Variants in ITGAM observed in about 807,000 individuals in gnomAD.
ITGAM encodes the protein integrin alpha-M.
In ITGAM, 79 loss-of-function variants were observed where a neutral mutation model predicts 137.5. That is an observed-to-expected ratio of 0.57 (90% confidence interval 0.48 to 0.69). The LOEUF is 0.69. Ranked by LOEUF, ITGAM falls within the 30% of genes least tolerant of loss-of-function variation. The pLI is 0.00. For synonymous variants in ITGAM, 583 were observed against 592.3 expected (o/e 0.98, Z 0.23); for missense variants, 1,343 against 1,483.5 (o/e 0.91, Z 1.56).
At chr16:31,322,493 C>T (rs143553948) in intron 16 of ITGAM, among the ~76,000 whole-genome samples, 1 of 152,236 alleles carries the variant, frequency 6.6e-6, no homozygotes, top group Non-Finnish European at 1.5e-5. Context: ...GTCAGTACTC[C>T]AAGACACCCA....
At chr16:31,275,835 CA>C (rs1356630325) in intron 9 of ITGAM, 136 bp downstream of exon 9, 1 of 755,822 alleles carries the variant, frequency 1.3e-6, no homozygotes, top group African/African-American at 1.8e-5. Flanking sequence ...CTACAGCTCC[CA>C]GTCCCAGCCT....
intron 8 of ITGAM, 33 bp from the exon 9 acceptor site, chr16:31,275,516 C>T (rs762743539): frequency 8.1e-6 from 13 of 1,609,288 alleles, no homozygotes; most frequent in Non-Finnish European, 1.0e-5. Flanking sequence ...GCTAGCCTCA[C>T]ACCATGATTT....
chr16:31,297,432 A>C, intron 12 of ITGAM, 82 bp from the exon 13 acceptor site: 1 of 1,575,956 alleles, frequency 6.3e-7, no homozygotes, highest in South Asian at 1.1e-5. Context: ...CCCAGCAGGC[A>C]TAACTTTTCT....
intron 1 of ITGAM, among the ~76,000 whole-genome samples, chr16:31,260,876 C>T (rs921329479): frequency 2.6e-5 from 4 of 152,172 alleles, no homozygotes; most frequent in Non-Finnish European, 1.5e-5. Context: ...GGAGCACCAC[C>T]CCCAAAGAAT....
chr16:31,271,784 C>G, intron 6 of ITGAM, 63 bp from the exon 7 acceptor site: 2 of 1,596,414 alleles, frequency 1.3e-6, no homozygotes, highest in Admixed American at 1.7e-5. Context: ...GTGGAGCTTG[C>G]TGGGAGATGT....
rs763853990 is a variant in ITGAM at position 31,273,367 on chromosome 16, G to A, written c.707G>A (p.Arg236Gln). 7.4e-6 allele frequency: 12 copies of A among 1,612,948 alleles called. No individual in the cohort carries two copies. Among genetic ancestry groups the A allele is most frequent in the African/African-American group, 1.3e-5 (1 of 74,860 alleles). Reference protein sequence around the residue: ...HTATGIRKVVRELFNITNGAR... With the variant: ...HTATGIRKVVQELFNITNGAR... ...TGTCCCTCCTGTTTCCTGCACAGAC[G>A]AGAGCTGTTTAACATCACCAACGGA... Residue 236 changes from arginine to glutamine, a missense_variant and splice_region_variant, in exon 8 of 30, where the codon CGA becomes CAA. Transcript: ENST00000544665.
In ITGAM at chr16:31,261,786, T is replaced by G. The variant is rs1195617697; in HGVS notation, c.123T>G (p.Leu41=). ...GCTTCGGGCAGAGCGTGGTCCAGCT[T>G]CAGGGATCCAGGTGAGACCCTTAGA... The part of the protein sequence containing the change: ...ARGFGQSVVQ[L]QGSRVVVGAP... The change falls in exon 2 of 30, where the codon CTT becomes CTG. Residue 41 remains leucine (L), a synonymous_variant. Transcript: ENST00000544665. 6.2e-7 allele frequency: 1 copy of G among 1,611,838 alleles called. No homozygotes were observed. The highest frequency in any genetic ancestry group is 8.5e-7 in the Non-Finnish European group (1 of 1,178,578).
At chr16:31,283,975 G>C (rs762274948) in intron 12 of ITGAM, among the ~76,000 whole-genome samples, 5 of 152,182 alleles carry the variant, frequency 3.3e-5, no homozygotes, top group Non-Finnish European at 5.9e-5. Context: ...AGGTCTGTTG[G>C]AGTTTGCCGG....
intron 12 of ITGAM, among the ~76,000 whole-genome samples, chr16:31,294,592 A>G (rs1313223135): frequency 6.6e-6 from 1 of 152,134 alleles, no homozygotes; most frequent in Non-Finnish European, 1.5e-5. Flanking sequence ...CTACCTGATC[A>G]TGGTGGATTA....
At position 31,329,826 on chromosome 16, in the gene ITGAM, C is replaced by A. The variant is rs866767967; in HGVS notation, c.2897C>A (p.Pro966His). The A allele has an allele frequency of 6.4e-7, 1 of 1,559,998 alleles. No homozygotes were observed. The highest frequency in any genetic ancestry group is 2.4e-5 in the East Asian group (1 of 41,620). ...QVSNLGQRSL[P>H]ISLVFLVPVR... is the part of the protein sequence containing the mutation. The stretch of plus-strand genomic sequence containing the variant: ...AGCAACCTGGGGCAGAGGAGCCTCC[C>A]CATCAGCCTGGTGTTCTTGGTGCCC... Residue 966 changes from proline (P) to histidine (H), a missense_variant, in exon 25 of 30, where the codon CCC becomes CAC. Physicochemically the swap from Pro to His is moderately conservative, Grantham distance 77 (BLOSUM62 -2). Coordinates refer to ENST00000544665, the MANE Select transcript of ITGAM (RefSeq NM_000632.4).
At chr16:31,312,077 T>C (rs1019268235) in intron 14 of ITGAM, among the ~76,000 whole-genome samples, 1 of 136,934 alleles carries the variant, frequency 7.3e-6, no homozygotes, top group Admixed American at 8.3e-5. Context: ...TAGGTGGGAA[T>C]TGAACAATGA....
chr16:31,315,560 C>A (rs568871248), intron 14 of ITGAM, among the ~76,000 whole-genome samples: 1 of 151,688 alleles, frequency 6.6e-6, no homozygotes, highest in Admixed American at 6.6e-5. Flanking sequence ...CGGGTCCCAG[C>A]GATTCTCCTG....
intron 12 of ITGAM, among the ~76,000 whole-genome samples, chr16:31,280,813 C>T (rs949165541): frequency 3.3e-5 from 5 of 152,166 alleles, no homozygotes; most frequent in African/African-American, 1.2e-4. Context: ...AAAGGGAATG[C>T]TTCCAGTTTT....
intron 2 of ITGAM, among the ~76,000 whole-genome samples, chr16:31,265,159 C>T (rs532285033): frequency 3.1e-4 from 47 of 152,298 alleles, no homozygotes; most frequent in South Asian, 2.5e-3. Context: ...TGAGCCACCG[C>T]GCCTGGTCCT....
intron 6 of ITGAM, 70 bp downstream of exon 6, chr16:31,271,154 A>G: frequency 7.7e-7 from 1 of 1,295,230 alleles, no homozygotes; most frequent in Middle Eastern, 2.8e-4. Context: ...CCGGGCCACC[A>G]TGTTCTCCTC....
Position 31,282,457 on chromosome 16 carries a change from G to C in ITGAM, c.1356+4348G>C, listed in dbSNP as rs935987423. 2.0e-4 allele frequency among the ~76,000 whole-genome samples: 30 copies of C among 151,902 alleles called. 1 individual carries two copies. The highest frequency in any genetic ancestry group is 1.2e-4 in the Non-Finnish European group (8 of 67,982). ...GTTGGCTCTTCTTGTTGAATTTATC[G>C]GTTTACCATTATGTAATGGCCTTCT... is the stretch of plus-strand genomic sequence containing the variant. On this transcript the variant is annotated intron_variant, in intron 12 of 29. Transcript: ENST00000544665.
intron 21 of ITGAM, among the ~76,000 whole-genome samples, chr16:31,326,560 G>C (rs1286566106): frequency 6.6e-6 from 1 of 152,080 alleles, no homozygotes; most frequent in Non-Finnish European, 1.5e-5. Context: ...GGGGTTACAT[G>C]CGCCCGCCAC....
chr16:31,287,938 C>A (rs1233355933), intron 12 of ITGAM, among the ~76,000 whole-genome samples: 1 of 152,074 alleles, frequency 6.6e-6, no homozygotes, highest in East Asian at 1.9e-4. Flanking sequence ...CTGGTCAACT[C>A]CCCCACCCCA....
At chr16:31,282,034 T>A (rs1425652341) in intron 12 of ITGAM, among the ~76,000 whole-genome samples, 3 of 152,154 alleles carry the variant, frequency 2.0e-5, no homozygotes, top group Non-Finnish European at 4.4e-5. Flanking sequence ...CGGTTTTGAG[T>A]GAGTTTCTTA....
Sources: gnomAD v4.1 joint callset for allele counts (sites outside exome capture counted in the v4.1 genomes callset) on GRCh38, gnomAD v4.1.1 for gene constraint, MANE v1.5 for transcripts, NCBI Gene and HGNC (gene_info 2026-07-23, HGNC 2026-07-21) for gene names.